The following CFAP299 variants were observed in gnomAD, a reference collection of about 807,000 sequenced individuals.
The protein encoded by CFAP299 is cilia- and flagella-associated protein 299.
CFAP299 carries 21 observed loss-of-function variants against 27.0 expected under a neutral mutation model. The observed-to-expected ratio is 0.78, with a 90% confidence interval of 0.55 to 1.12. CFAP299 has a LOEUF of 1.12. Among genes scored for constraint, CFAP299 ranks in the 50% most tolerant of loss-of-function variants. The pLI is 0.00. For missense variants in CFAP299, 310 were observed against 276.6 expected, an observed-to-expected ratio of 1.12 and a Z score of -0.86; for synonymous variants, 104 against 98.1, an observed-to-expected ratio of 1.06 and a Z score of -0.36.
At chr4:80,448,451 T>C (rs1728746447) in intron 2 of CFAP299, among the ~76,000 whole-genome samples, 1 of 152,234 alleles carries the variant, frequency 6.6e-6, no homozygotes, top group African/African-American at 2.4e-5. Context: ...TTTAATATAA[T>C]ACTATTTAGT....
chr4:80,393,645 TA>T (rs372053717), intron 2 of CFAP299, among the ~76,000 whole-genome samples: 3 of 152,330 alleles, frequency 2.0e-5, no homozygotes, highest in Admixed American at 6.5e-5. Context: ...GTTTTTAGCC[TA>T]GGGGTAATAG....
intron 5 of CFAP299, among the ~76,000 whole-genome samples, chr4:80,950,062 G>A (rs1578261985): frequency 6.6e-6 from 1 of 152,260 alleles, no homozygotes; most frequent in South Asian, 2.1e-4. Flanking sequence ...TTCAGGTACA[G>A]ATAGAACTTA....
At chr4:80,879,747 C>A (rs1733597082) in intron 4 of CFAP299, among the ~76,000 whole-genome samples, 1 of 152,208 alleles carries the variant, frequency 6.6e-6, no homozygotes, top group Middle Eastern at 3.4e-3. Flanking sequence ...TGTGTATGCA[C>A]CACTGTGCCA....
intron 3 of CFAP299, among the ~76,000 whole-genome samples, chr4:80,783,126 A>G (rs57457258): frequency 0.077 from 11,774 of 152,172 alleles, 534 homozygotes; most frequent in African/African-American, 0.1. Context: ...GCTTCATTTC[A>G]GCTAAAATGT....
chr4:80,455,692 C>A (rs965753996), intron 2 of CFAP299, among the ~76,000 whole-genome samples: 1 of 151,938 alleles, frequency 6.6e-6, no homozygotes, highest in Non-Finnish European at 1.5e-5. Flanking sequence ...CTCAAGAGAC[C>A]ATGTATCTTC....
At chr4:80,553,881 C>T (rs1030151517) in intron 2 of CFAP299, among the ~76,000 whole-genome samples, 5 of 152,044 alleles carry the variant, frequency 3.3e-5, no homozygotes, top group African/African-American at 1.2e-4. Flanking sequence ...CTTATAGATG[C>T]TGAATATTAG....
intron 3 of CFAP299, among the ~76,000 whole-genome samples, chr4:80,663,241 C>T (rs1010428149): frequency 3.9e-5 from 6 of 151,972 alleles, no homozygotes; most frequent in African/African-American, 1.5e-4. Context: ...CCCATCAACC[C>T]ATCATCTACA....
At chr4:80,501,626 TA>T (rs1560596977) in intron 2 of CFAP299, among the ~76,000 whole-genome samples, 1 of 150,840 alleles carries the variant, frequency 6.6e-6, no homozygotes, top group African/African-American at 2.4e-5. Flanking sequence ...AATTAGAAGA[TA>T]TTTTTTCATG....
intron 3 of CFAP299, among the ~76,000 whole-genome samples, chr4:80,729,913 T>A (rs998489635): frequency 6.6e-6 from 1 of 152,080 alleles, no homozygotes; most frequent in Non-Finnish European, 1.5e-5. Flanking sequence ...CAGCATCTAT[T>A]TTTAAATTTA....
intron 2 of CFAP299, among the ~76,000 whole-genome samples, chr4:80,441,909 A>G (rs1028085272): frequency 1.3e-5 from 2 of 152,222 alleles, no homozygotes; most frequent in Non-Finnish European, 1.5e-5. Flanking sequence ...TTGCAATCCT[A>G]CTGTCTGATA....
chr4:80,631,269 A>G (rs183414416), intron 3 of CFAP299, among the ~76,000 whole-genome samples: 18 of 152,164 alleles, frequency 1.2e-4, no homozygotes, highest in South Asian at 6.2e-4. Context: ...ATTTGTTGGT[A>G]TAGCATTATA....
intron 3 of CFAP299, among the ~76,000 whole-genome samples, chr4:80,677,351 T>A (rs116106725): frequency 6.6e-6 from 1 of 151,974 alleles, no homozygotes; most frequent in Non-Finnish European, 1.5e-5. Flanking sequence ...TTATTTTCTG[T>A]TGTTTCTCCT....
At chr4:80,741,502 G>A (rs1056225260) in intron 3 of CFAP299, among the ~76,000 whole-genome samples, 4 of 152,096 alleles carry the variant, frequency 2.6e-5, no homozygotes, top group Admixed American at 2.6e-4. Context: ...GCCTGGAATG[G>A]GGGCCTCATG....
At chr4:80,476,397 C>T (rs1377660172) in intron 2 of CFAP299, among the ~76,000 whole-genome samples, 1 of 152,132 alleles carries the variant, frequency 6.6e-6, no homozygotes, top group Non-Finnish European at 1.5e-5. Flanking sequence ...TCAGTAGTGG[C>T]TGCAGTGGGG....
intron 3 of CFAP299, among the ~76,000 whole-genome samples, chr4:80,682,733 G>A (rs1203926836): frequency 1.3e-5 from 2 of 152,180 alleles, no homozygotes; most frequent in East Asian, 1.9e-4. Flanking sequence ...TGCATTTAAT[G>A]CCTATTCCTC....
chr4:80,604,619 G>A (rs967839612), intron 3 of CFAP299, among the ~76,000 whole-genome samples: 6 of 152,182 alleles, frequency 3.9e-5, no homozygotes, highest in Non-Finnish European at 5.9e-5. Flanking sequence ...TCGGCAGGTG[G>A]CCTGACAGCA....
At chr4:80,876,469 G>C (rs150946837) in intron 4 of CFAP299, among the ~76,000 whole-genome samples, 58 of 152,224 alleles carry the variant, frequency 3.8e-4, no homozygotes, top group African/African-American at 1.3e-3. Flanking sequence ...ATGATTGTAA[G>C]TTTCCTGAGG....
intron 2 of CFAP299, among the ~76,000 whole-genome samples, chr4:80,397,041 A>T (rs1486541639): frequency 6.6e-6 from 1 of 152,102 alleles, no homozygotes; most frequent in African/African-American, 2.4e-5. Flanking sequence ...GCTATTAATT[A>T]TTGCCTCAAT....
intron 3 of CFAP299, among the ~76,000 whole-genome samples, chr4:80,670,957 G>A (rs1173006650): frequency 1.3e-5 from 2 of 152,150 alleles, no homozygotes; most frequent in Non-Finnish European, 2.9e-5. Flanking sequence ...CACTCTGATG[G>A]TAGTTTCTTT....
Sources: allele counts gnomAD v4.1 joint callset (sites outside exome capture counted in the v4.1 genomes callset), GRCh38; gene constraint gnomAD v4.1.1; transcripts MANE v1.5; gene names NCBI Gene and HGNC (gene_info 2026-07-23, HGNC 2026-07-21).